The following ABCB1 variants were observed in gnomAD, a reference collection of about 807,000 sequenced individuals.
The protein encoded by ABCB1 is ATP binding cassette subfamily B member 1.
ABCB1 carries 69 observed loss-of-function variants against 142.0 expected under a neutral mutation model. The observed-to-expected ratio is 0.49, with a 90% confidence interval of 0.40 to 0.59. The LOEUF (loss-of-function observed/expected upper bound fraction) is 0.59. Among genes scored for constraint, ABCB1 ranks in the 20% least tolerant of loss-of-function variants. ABCB1 has a pLI of 0.00. For synonymous variants in ABCB1, 532 were observed against 539.2 expected, an observed-to-expected ratio of 0.99 and a Z score of 0.18; for missense variants, 1,326 against 1,554.7, an observed-to-expected ratio of 0.85 and a Z score of 2.47.
upstream of ABCB1, among the ~76,000 whole-genome samples, chr7:87,605,127 C>G (rs1819600826): frequency 6.6e-6 from 1 of 152,108 alleles, no homozygotes; most frequent in African/African-American, 2.4e-5. Context: ...CATGAACTAT[C>G]TCCCTTATCA....
intron 1 of ABCB1, among the ~76,000 whole-genome samples, chr7:87,651,818 A>G (rs909262659): frequency 6.6e-6 from 1 of 152,134 alleles, no homozygotes; most frequent in Non-Finnish European, 1.5e-5. Flanking sequence ...GGCCCAGAGC[A>G]AAGGATTGAA....
chr7:87,533,571 T>A (rs28381962), intron 20 of ABCB1, among the ~76,000 whole-genome samples: 2 of 152,220 alleles, frequency 1.3e-5, no homozygotes, highest in Non-Finnish European at 2.9e-5. Context: ...TTACACTGAT[T>A]ACTATTCCTT....
intron 23 of ABCB1, among the ~76,000 whole-genome samples, chr7:87,518,565 A>T (rs1222971599): frequency 6.6e-6 from 1 of 152,194 alleles, no homozygotes; most frequent in East Asian, 1.9e-4. Flanking sequence ...CTCAATGTTT[A>T]AAAAGGACAG....
chr7:87,511,594 T>A (rs900421605), intron 25 of ABCB1, among the ~76,000 whole-genome samples: 2 of 152,264 alleles, frequency 1.3e-5, no homozygotes, highest in African/African-American at 4.8e-5. Context: ...GCAACACTTA[T>A]AAGGTCACTG....
chr7:87,637,293 C>A (rs1439886794), intron 1 of ABCB1, among the ~76,000 whole-genome samples: 1 of 152,142 alleles, frequency 6.6e-6, no homozygotes, highest in Non-Finnish European at 1.5e-5. Context: ...TTTGTCTCTC[C>A]TGAGCTAATA....
rs1384374400 is a variant in ABCB1, at chr7:87,524,732, TAATAAA to T, written c.2686-3862_2686-3857del. 6.1e-5 allele frequency among the ~76,000 whole-genome samples: 9 copies of T among 146,792 alleles called. No homozygotes were observed. The East Asian group carries it at 1.8e-3, about 30-fold the overall frequency. ...TACATGTATCCTAAAACTTAAAGTATAATAAAAATAAAAAAATAAAATAAAAGCTGA... is the reference window on the plus strand; with the variant it reads ...TACATGTATCCTAAAACTTAAAGTATAATAAAAAAATAAAATAAAAGCTGA... On this transcript the variant is annotated intron_variant, in intron 21 of 27. Coordinates refer to ENST00000622132, the MANE Select transcript of ABCB1 (RefSeq NM_001348946.2).
intron 26 of ABCB1, among the ~76,000 whole-genome samples, chr7:87,507,564 G>A (rs1443029677): frequency 6.6e-6 from 1 of 152,086 alleles, no homozygotes; most frequent in African/African-American, 2.4e-5. Context: ...AAGGAGAGTG[G>A]GAGACAAGGC....
chr7:87,676,296 A>G (rs1826347688), intron 1 of ABCB1, among the ~76,000 whole-genome samples: 1 of 152,168 alleles, frequency 6.6e-6, no homozygotes, highest in Non-Finnish European at 1.5e-5. Context: ...TGAAAAGGCA[A>G]CTTACAGAAT....
At chr7:87,619,688 C>G (rs1820154872) in intron 1 of ABCB1, among the ~76,000 whole-genome samples, 1 of 151,942 alleles carries the variant, frequency 6.6e-6, no homozygotes, top group Non-Finnish European at 1.5e-5. Flanking sequence ...TTTTTGAACA[C>G]TAAGCAGAAA....
intron 1 of ABCB1, among the ~76,000 whole-genome samples, chr7:87,636,344 C>T (rs1049261303): frequency 1.3e-5 from 2 of 152,124 alleles, no homozygotes; most frequent in Admixed American, 1.3e-4. Flanking sequence ...AGCACCTTTC[C>T]GTAAGTCTGT....
At chr7:87,570,644 T>C (rs1459534472) in intron 4 of ABCB1, among the ~76,000 whole-genome samples, 1 of 152,186 alleles carries the variant, frequency 6.6e-6, no homozygotes, top group Admixed American at 6.5e-5. Context: ...TTTAAAAATA[T>C]CAAATACAAA....
In ABCB1 at chr7:87,544,073, G is replaced by A. The variant is rs533921883; in HGVS notation, c.2211+56C>T. ...CAGTTCAGACACAAGCACTTTATTC[G>A]TTCATTCTTCCATCAGGATTCACAA... On this transcript the variant is annotated intron_variant, in intron 17 of 27. Coordinates refer to ENST00000622132, the MANE Select transcript of ABCB1 (RefSeq NM_001348946.2). The A allele has an allele frequency of 8.5e-5, 136 of 1,600,050 alleles. No individual in the cohort carries two copies. In the Middle Eastern group the frequency reaches 1.5e-3, roughly 18 times the overall value.
chr7:87,520,388 G>T (rs1290262330), intron 22 of ABCB1, among the ~76,000 whole-genome samples: 2 of 152,104 alleles, frequency 1.3e-5, no homozygotes, highest in African/African-American at 4.8e-5. Flanking sequence ...GGGGTAAAAA[G>T]CAGAAAGACA....
rs1473889398 is a variant in ABCB1 at position 87,508,076 on chromosome 7, C to T, written c.3489+1199G>A. The stretch of plus-strand genomic sequence containing the variant: ...CAGGATCATTTGTACCCTGAAACCT[C>T]AGCATCATGCAATATACCCAGGTAT... On this transcript the variant is annotated intron_variant, in intron 26 of 27. Transcript: ENST00000622132. 3.9e-5 allele frequency among the ~76,000 whole-genome samples: 6 copies of T among 152,136 alleles called. No individual in the cohort carries two copies. In the East Asian group the frequency reaches 5.8e-4, roughly 15 times the overall value.
In ABCB1 at chr7:87,600,079, C is replaced by T. The variant is rs773338757; in HGVS notation, c.68+38G>A. On this transcript the variant is annotated intron_variant, in intron 2 of 27. Coordinates refer to ENST00000622132, the MANE Select transcript of ABCB1 (RefSeq NM_001348946.2). ...CTAGAAATAAATTACTCAAATCTCG[C>T]AACTATGTAAACTATGAAAATGAAA... The T allele has an allele frequency of 1.3e-6, 2 of 1,556,024 alleles. No homozygotes were observed. The highest frequency in any genetic ancestry group is 3.4e-5 in the Admixed American group (2 of 59,264).
At chr7:87,685,525 A>G (rs1340415416) in intron 1 of ABCB1, among the ~76,000 whole-genome samples, 1 of 152,212 alleles carries the variant, frequency 6.6e-6, no homozygotes, top group Non-Finnish European at 1.5e-5. Context: ...AAATTTCCAC[A>G]CACAACAACA....
chr7:87,530,614 C>T (rs939722611), intron 21 of ABCB1, among the ~76,000 whole-genome samples: 2 of 151,146 alleles, frequency 1.3e-5, no homozygotes, highest in African/African-American at 4.9e-5. Context: ...TAAAGATAAA[C>T]AGAAATAGGA....
chr7:87,584,198 T>C (rs1483114082), intron 4 of ABCB1, among the ~76,000 whole-genome samples: 1 of 152,178 alleles, frequency 6.6e-6, no homozygotes, highest in African/African-American at 2.4e-5. Flanking sequence ...GGGTAAACAA[T>C]GTACTTTTTA....
chr7:87,556,251 CTACTT>C (rs1413178437), intron 8 of ABCB1, among the ~76,000 whole-genome samples: 2 of 152,142 alleles, frequency 1.3e-5, no homozygotes, highest in South Asian at 2.1e-4. Flanking sequence ...ATGCAAGTAA[CTACTT>C]TAAGAATAAG....
Sources: gnomAD v4.1 joint callset for allele counts (sites outside exome capture counted in the v4.1 genomes callset) on GRCh38, gnomAD v4.1.1 for gene constraint, MANE v1.5 for transcripts, NCBI Gene and HGNC (gene_info 2026-07-23, HGNC 2026-07-21) for gene names.